Variants in TNS1 observed in about 807,000 individuals in gnomAD.
TNS1 encodes the protein tensin 1.
In TNS1, 62 loss-of-function variants were observed where a neutral mutation model predicts 168.6. The ratio of observed to expected loss-of-function variants is 0.37; its 90% confidence interval spans 0.30 to 0.45. The LOEUF (loss-of-function observed/expected upper bound fraction) is 0.45. Ranked by LOEUF, TNS1 falls within the 20% of genes least tolerant of loss-of-function variation. TNS1 has a pLI of 1.00. For synonymous variants in TNS1, 934 were observed against 933.2 expected, an observed-to-expected ratio of 1.00 and a Z score of -0.02; for missense variants, 2,240 against 2,339.4, an observed-to-expected ratio of 0.96 and a Z score of 0.88.
chr2:217,812,598 G>A (rs1941144274), intron 27 of TNS1, among the ~76,000 whole-genome samples, 153 bp from the exon 28 acceptor site: 1 of 152,162 alleles, frequency 6.6e-6, no homozygotes, highest in South Asian at 2.1e-4. Flanking sequence ...ACACCCTCTT[G>A]TTGAACAAGA....
At chr2:217,924,410 G>C (rs1021757333) in intron 3 of TNS1, among the ~76,000 whole-genome samples, 3 of 152,178 alleles carry the variant, frequency 2.0e-5, no homozygotes, top group Non-Finnish European at 4.4e-5. Context: ...TTATAGGTGT[G>C]TGTGCTTCCT....
chr2:217,902,799 G>C (rs544572188), intron 6 of TNS1, among the ~76,000 whole-genome samples: 176 of 152,322 alleles, frequency 1.2e-3, no homozygotes, highest in Non-Finnish European at 2.2e-3. Context: ...GGGACGAACA[G>C]CTGGGACTGT....
intron 3 of TNS1, among the ~76,000 whole-genome samples, chr2:217,933,424 G>A (rs3791910): frequency 0.2 from 30,210 of 151,960 alleles, 3,062 homozygotes; most frequent in East Asian, 0.25. Flanking sequence ...GACCACTGCC[G>A]GACCCAGATA....
At chr2:217,924,116 A>G (rs1464826686) in intron 3 of TNS1, among the ~76,000 whole-genome samples, 1 of 152,130 alleles carries the variant, frequency 6.6e-6, no homozygotes, top group African/African-American at 2.4e-5. Context: ...CCACACACAG[A>G]GGTGGGTTCC....
chr2:217,830,674 G>A (rs1203540381), intron 22 of TNS1, among the ~76,000 whole-genome samples: 5 of 152,226 alleles, frequency 3.3e-5, no homozygotes, highest in African/African-American at 7.2e-5. Flanking sequence ...CAGGGAGGCC[G>A]AGCAGCCATC....
At chr2:217,809,540 C>G (rs374135150) in intron 30 of TNS1, among the ~76,000 whole-genome samples, 1,674 of 10,418 alleles carry the variant, frequency 0.16, 524 homozygotes, top group African/African-American at 0.34. Flanking sequence ...TGGATGGATG[C>G]ATGGATGGAT....
intron 3 of TNS1, among the ~76,000 whole-genome samples, chr2:217,978,230 GAGGA>G (rs1255349223): frequency 2.0e-5 from 3 of 152,136 alleles, no homozygotes; most frequent in Admixed American, 6.5e-5. Flanking sequence ...GGCCAATAAA[GAGGA>G]AGGGACAGTC....
Position 218,033,847 on chromosome 2 carries a change from A to G in TNS1, c.129T>C (p.Cys43=), listed in dbSNP as rs1246730825. Residue 43 remains cysteine, a synonymous_variant, in exon 1 of 2, where the codon TGT becomes TGC. Transcript: ENST00000649572. This position sits in a 1 kb window ranked among gnomAD's most constrained non-coding sequence, Gnocchi z 4.3. ...GAAGCGGTAGCTGCCTTCTCTCTGC[A>G]CAGGCCAAACCCCCGGACTCCCAGC... 2.0e-5 allele frequency among the ~76,000 whole-genome samples: 3 copies of G among 152,092 alleles called. No individual in the cohort carries two copies. Among genetic ancestry groups the G allele is most frequent in the African/African-American group, 7.2e-5 (3 of 41,408 alleles).
At chr2:217,865,007 A>G (rs1345438819) in intron 18 of TNS1, among the ~76,000 whole-genome samples, 2 of 152,042 alleles carry the variant, frequency 1.3e-5, no homozygotes, top group Admixed American at 6.5e-5. Context: ...AGAGGTGGCT[A>G]TGACTACAGG....
chr2:217,919,284 A>AG (rs1453243386), intron 4 of TNS1, among the ~76,000 whole-genome samples: 1 of 152,202 alleles, frequency 6.6e-6, no homozygotes, highest in Non-Finnish European at 1.5e-5. Context: ...GTCACAACAG[A>AG]GGTGTGTGAG....
chr2:217,822,299 G>C (rs148785293), intron 22 of TNS1, among the ~76,000 whole-genome samples: 1 of 152,096 alleles, frequency 6.6e-6, no homozygotes, highest in African/African-American at 2.4e-5. Context: ...GGTTCTCCTC[G>C]TGCCACTAGA....
intron 3 of TNS1, among the ~76,000 whole-genome samples, chr2:217,946,024 C>T (rs778375714): frequency 6.6e-6 from 1 of 152,206 alleles, no homozygotes. Flanking sequence ...ATTATCCCAA[C>T]GGACATCAAA....
chr2:218,014,556 T>A (rs905353301), upstream of TNS1, among the ~76,000 whole-genome samples: 1 of 151,922 alleles, frequency 6.6e-6, no homozygotes, highest in Non-Finnish European at 1.5e-5. Context: ...TCTGCAGGAG[T>A]CTATCTAATA....
rs746783171 is a variant in TNS1 at position 217,848,116 on chromosome 2, C to T, written c.2401G>A (p.Val801Ile). The stretch of plus-strand genomic sequence containing the variant: ...GGCTGAGGGCTGGGCCTGCTGGCTA[C>T]AAGACTCTCCAAGTGGGCTCTTTCC... Reference protein sequence around the residue: ...QQERAHLESLVASRPSPQPLA... With the variant: ...QQERAHLESLIASRPSPQPLA... Residue 801 changes from valine to isoleucine, a missense_variant, in exon 19 of 33, where the codon GTA (valine) becomes ATA (isoleucine). Val to Ile is a conservative substitution (Grantham distance 29). Transcript: ENST00000682258. The T allele has an allele frequency of 2.5e-6, 4 of 1,583,772 alleles. No homozygotes were observed. Among genetic ancestry groups the T allele is most frequent in the African/African-American group, 1.3e-5 (1 of 74,110 alleles).
chr2:217,818,700 G>C lies in TNS1; in HGVS notation c.3632C>G (p.Thr1211Ser), dbSNP rs778651964. 1 of 1,614,174 alleles carries C rather than the reference G, an allele frequency of 6.2e-7. No individual in the cohort carries two copies. Among genetic ancestry groups the C allele is most frequent in the Non-Finnish European group, 8.5e-7 (1 of 1,180,034 alleles). The change falls in exon 24 of 33, where the codon ACC becomes AGC. Residue 1211 changes from threonine (T) to serine (S), a missense_variant. Coordinates refer to ENST00000682258, the MANE Select transcript of TNS1 (RefSeq NM_001387777.1). ...GAAGCCAGACTCCAACAGAGGCTGG[G>C]TGGGCGTCCGGGGACCCTGGTCACT... is the stretch of plus-strand genomic sequence containing the variant. ...ESSDQGPRTP[T>S]QPLLESGFRS...
rs1575053879 is a variant in TNS1, at chr2:217,911,935, G to A, written c.229-4684C>T. On this transcript the variant is annotated intron_variant, in intron 4 of 32. Transcript: ENST00000682258. ...ACTTCCACAGAAAGAATAGGAACTGGGCTGCATAGGAAAGACTGAGATCAG... is the reference window on the plus strand; with the variant it reads ...ACTTCCACAGAAAGAATAGGAACTGAGCTGCATAGGAAAGACTGAGATCAG... 3.9e-5 allele frequency among the ~76,000 whole-genome samples: 6 copies of A among 152,362 alleles called. No homozygotes were observed. The South Asian group carries it at 1.2e-3, about 32-fold the overall frequency.
chr2:217,983,867 G>C (rs1173966504), intron 2 of TNS1, among the ~76,000 whole-genome samples: 1 of 152,206 alleles, frequency 6.6e-6, no homozygotes, highest in Non-Finnish European at 1.5e-5. Flanking sequence ...ACTTGTCTAG[G>C]CCACGGTACC....
intron 3 of TNS1, among the ~76,000 whole-genome samples, chr2:217,959,910 G>A (rs1325856335): frequency 1.3e-5 from 2 of 152,094 alleles, no homozygotes; most frequent in African/African-American, 2.4e-5. Flanking sequence ...GAGATGCCTC[G>A]CCGCTGAGGT....
At chr2:217,956,182 T>A (rs1376287447) in intron 3 of TNS1, among the ~76,000 whole-genome samples, 3 of 152,172 alleles carry the variant, frequency 2.0e-5, no homozygotes, top group African/African-American at 4.8e-5. Flanking sequence ...GAATTTTTTT[T>A]AATAGAAACA....
Sources: gnomAD v4.1 joint callset for allele counts (sites outside exome capture counted in the v4.1 genomes callset) on GRCh38, gnomAD v4.1.1 for gene constraint, Gnocchi (gnomAD v3.1) non-coding constraint, MANE v1.5 for transcripts, NCBI Gene and HGNC (gene_info 2026-07-23, HGNC 2026-07-21) for gene names.